The following TRIM14 variants were observed in gnomAD, a reference collection of about 807,000 sequenced individuals.
The protein encoded by TRIM14 is tripartite motif containing 14.
In TRIM14, 28 loss-of-function variants were observed where a neutral mutation model predicts 44.5. The observed-to-expected ratio is 0.63, with a 90% CI of 0.47 to 0.86. The LOEUF is 0.86. TRIM14 is among the 40% of genes least tolerant of loss of function. The pLI is 0.00. For synonymous variants in TRIM14, 299 were observed against 269.2 expected (o/e 1.11, Z -1.08); for missense variants, 607 against 611.1 (o/e 0.99, Z 0.07).
At chr9:98,111,014 T>C (rs1173024909) in intron 1 of TRIM14, among the ~76,000 whole-genome samples, 1 of 151,364 alleles carries the variant, frequency 6.6e-6, no homozygotes, top group Non-Finnish European at 1.5e-5. Context: ...ACTATGCCAC[T>C]GCACTCCAGC....
the TRIM14 span, among the ~76,000 whole-genome samples, chr9:98,038,132 C>T: frequency 6.6e-6 from 1 of 152,070 alleles, no homozygotes; most frequent in Non-Finnish European, 1.5e-5. Context: ...CTCACTGCAA[C>T]CTCCACCTCT....
chr9:98,078,770 GGTT>G (rs1829708886), intron 6 of TRIM14, among the ~76,000 whole-genome samples: 1 of 150,568 alleles, frequency 6.6e-6, no homozygotes, highest in Non-Finnish European at 1.5e-5. Flanking sequence ...AGGAGGCAGA[GGTT>G]GCAGTGAGCC....
chr9:98,055,186 A>G, the TRIM14 span, among the ~76,000 whole-genome samples: 1 of 152,076 alleles, frequency 6.6e-6, no homozygotes, highest in Non-Finnish European at 1.5e-5. Context: ...TACCTGGCTC[A>G]TTTTGTATTT....
chr9:98,114,057 C>T (rs1484012422), intron 1 of TRIM14, among the ~76,000 whole-genome samples: 1 of 152,158 alleles, frequency 6.6e-6, no homozygotes, highest in Non-Finnish European at 1.5e-5. Context: ...CCAAAAGAGA[C>T]ACATTAGGCT....
chr9:98,039,842 G>A, the TRIM14 span, among the ~76,000 whole-genome samples: 1 of 152,066 alleles, frequency 6.6e-6, no homozygotes, highest in South Asian at 2.1e-4. Flanking sequence ...CAGGGAGACT[G>A]ATTTGAGTAA....
rs7030321 is a variant in TRIM14, at chr9:98,103,939, C to T, written c.304-3775G>A. Among the ~76,000 whole-genome samples, 1,425 of 152,148 alleles carry T rather than the reference C, an allele frequency of 9.4e-3. 21 individuals carry two copies. Among genetic ancestry groups the T allele is most frequent in the African/African-American group, 0.033 (1,350 of 41,494 alleles). On this transcript the variant is annotated intron_variant, in intron 2 of 5. Transcript: ENST00000341469. ...AATGAACCCAGCACCCAGCCAGTCA[C>T]GAGGGGTGGGCAGGCTCCCGTGATA... is the stretch of plus-strand genomic sequence containing the variant.
chr9:98,081,000 T>G, downstream of TRIM14: 1 of 1,614,158 alleles, frequency 6.2e-7, no homozygotes, highest in Non-Finnish European at 8.5e-7. Flanking sequence ...GCCGAGCTGG[T>G]GCGGTCAGTG....
At chr9:98,092,964 G>A (rs892378225) in intron 4 of TRIM14, among the ~76,000 whole-genome samples, 1 of 152,136 alleles carries the variant, frequency 6.6e-6, no homozygotes, top group East Asian at 1.9e-4. Flanking sequence ...TAATTTGGCT[G>A]AAGTTGTTCT....
chr9:98,095,264 C>T lies in TRIM14; in HGVS notation c.538-235G>A, dbSNP rs1414136740. ...TTTTCAGTGCTGGCACTGGGGATTC[C>T]TCCCTCTCCATCCTTCCTCCTTTCC... On this transcript the variant is annotated intron_variant, in intron 3 of 5. Coordinates refer to ENST00000341469, the MANE Select transcript of TRIM14 (RefSeq NM_014788.4). The surrounding 1 kb of genome is among the most constrained non-coding windows in gnomAD (Gnocchi z 4.1). Among the ~76,000 whole-genome samples, 3 of 152,332 alleles carry T rather than the reference C, an allele frequency of 2.0e-5. No individual in the cohort carries two copies. The East Asian group carries it at 5.8e-4, about 29-fold the overall frequency.
chr9:98,060,945 A>G, the TRIM14 span: 9 of 1,614,096 alleles, frequency 5.6e-6, no homozygotes, highest in African/African-American at 9.3e-5. Context: ...AGGGAGCTGC[A>G]GAGGTACGCC....
rs1827156305 is a variant in TRIM14 at position 98,119,063 on chromosome 9, G to A, written c.126C>T (p.Cys42=). The A allele has an allele frequency of 6.3e-7, 1 of 1,579,426 alleles. No homozygotes were observed. Among genetic ancestry groups the A allele is most frequent in the Non-Finnish European group, 8.5e-7 (1 of 1,172,968 alleles). ...AELFCRRCRR[C]VCALCPVLGA... is the part of the protein sequence containing the mutation. Reference sequence around the variant, plus strand: ...CCAGCACCGGGCAAAGCGCGCACACGCAGCGGCGGCAGCGGCGACAGAAGA... The same window carrying A: ...CCAGCACCGGGCAAAGCGCGCACACACAGCGGCGGCAGCGGCGACAGAAGA... The change falls in exon 1 of 6, where the codon TGC becomes TGT. Residue 42 remains cysteine (C), a synonymous_variant. Transcript: ENST00000341469.
chr9:98,070,150 T>G (rs943476971), intron 6 of TRIM14, among the ~76,000 whole-genome samples: 2 of 152,166 alleles, frequency 1.3e-5, no homozygotes, highest in African/African-American at 4.8e-5. Context: ...GACAGAGTCT[T>G]GCTGTCACGC....
At chr9:98,090,537 T>G (rs989704570) in intron 5 of TRIM14, among the ~76,000 whole-genome samples, 2 of 151,194 alleles carry the variant, frequency 1.3e-5, no homozygotes, top group South Asian at 2.1e-4. Context: ...AGCTGATTGA[T>G]CTGCACATTT....
the TRIM14 span, chr9:98,060,746 G>A: frequency 3.7e-6 from 6 of 1,601,330 alleles, no homozygotes; most frequent in Middle Eastern, 1.7e-4. Context: ...GAGAATCTAC[G>A]ACAGTCACTG....
chr9:98,106,507 G>A (rs1826617024), intron 2 of TRIM14, among the ~76,000 whole-genome samples: 1 of 152,174 alleles, frequency 6.6e-6, no homozygotes, highest in African/African-American at 2.4e-5. Flanking sequence ...GCATAGGGTG[G>A]CAATATCTTT....
At chr9:98,044,963 A>C in the TRIM14 span, among the ~76,000 whole-genome samples, 2 of 152,024 alleles carry the variant, frequency 1.3e-5, no homozygotes, top group African/African-American at 2.4e-5. Context: ...AACACAAAAA[A>C]TTAGCTGGGT....
At chr9:98,052,933 A>C in the TRIM14 span, among the ~76,000 whole-genome samples, 1 of 152,224 alleles carries the variant, frequency 6.6e-6, no homozygotes, top group African/African-American at 2.4e-5. Flanking sequence ...TGGATGCATA[A>C]AGTGTCTTAA....
chr9:98,080,850 G>T (rs1829820996), downstream of TRIM14: 1 of 1,607,904 alleles, frequency 6.2e-7, no homozygotes, highest in Non-Finnish European at 8.5e-7. Flanking sequence ...ATTCCCATAG[G>T]GTATTCTGGG....
At chr9:98,057,361 G>A in the TRIM14 span, among the ~76,000 whole-genome samples, 1 of 152,156 alleles carries the variant, frequency 6.6e-6, no homozygotes, top group African/African-American at 2.4e-5. Flanking sequence ...GCGACACAGA[G>A]TTACTTTCAG....
Sources: gnomAD v4.1 joint callset for allele counts (sites outside exome capture counted in the v4.1 genomes callset) on GRCh38, gnomAD v4.1.1 for gene constraint, Gnocchi (gnomAD v3.1) non-coding constraint, MANE v1.5 for transcripts, NCBI Gene and HGNC (gene_info 2026-07-23, HGNC 2026-07-21) for gene names.